CEP85L: variants seen among roughly 807,000 people sequenced by gnomAD.
CEP85L encodes centrosomal protein of 85 kDa-like.
A neutral mutation model predicts 100.3 loss-of-function variants in CEP85L; 60 were observed. The observed-to-expected ratio is 0.60, with a 90% CI of 0.49 to 0.74. The LOEUF (loss-of-function observed/expected upper bound fraction) is 0.74. Ranked by LOEUF, CEP85L falls within the 30% of genes least tolerant of loss-of-function variation. CEP85L has a pLI of 0.00. For missense variants in CEP85L, 973 were observed against 936.2 expected (o/e 1.04, Z -0.51); for synonymous variants, 319 against 322.7 (o/e 0.99, Z 0.12).
Position 118,463,627 on chromosome 6 carries a change from C to T in CEP85L, c.*1778G>A, listed in dbSNP as rs1772339367. On this transcript the variant is annotated 3_prime_UTR_variant, in exon 13 of 13. Coordinates refer to ENST00000368491, the MANE Select transcript of CEP85L (RefSeq NM_001042475.3). ...CCAAGTTCTTACCAGTGACTAAGAC[C>T]CTCCTTAGGTTAAGGACTCTGGGAT... 1.3e-5 allele frequency: 2 copies of T among 151,944 alleles called. No individual in the cohort carries two copies. The allele number at this position is 151,944 out of a possible 1,614,324, so 9.4% of individuals were successfully genotyped here. A position where few individuals can be genotyped will look rare whatever the true frequency, so the allele number is the denominator to read the frequency against.
chr6:118,692,754 A>T (rs1257846587), intron 1 of CEP85L, among the ~76,000 whole-genome samples: 8 of 152,186 alleles, frequency 5.3e-5, no homozygotes, highest in Non-Finnish European at 5.9e-5. Flanking sequence ...TAAGGGCAGA[A>T]GAAACAAGAC....
chr6:118,642,198 G>T (rs776260018), intron 1 of CEP85L, among the ~76,000 whole-genome samples: 2 of 152,122 alleles, frequency 1.3e-5, no homozygotes, highest in Non-Finnish European at 2.9e-5. Context: ...AATTTTTGCT[G>T]TTAGGCATGT....
At chr6:118,627,486 G>C (rs1010250927) in intron 2 of CEP85L, among the ~76,000 whole-genome samples, 1 of 152,338 alleles carries the variant, frequency 6.6e-6, no homozygotes, top group Admixed American at 6.5e-5. Context: ...AAACAGAAGA[G>C]AGCAACATGG....
Position 118,632,464 on chromosome 6 carries a change from T to C in CEP85L, c.221A>G (p.Asp74Gly). 1.3e-6 allele frequency: 2 copies of C among 1,599,510 alleles called. No homozygotes were observed. Among genetic ancestry groups the C allele is most frequent in the Non-Finnish European group, 8.5e-7 (1 of 1,174,636 alleles). The change falls in exon 2 of 13, where the codon GAT (aspartate) becomes GGT (glycine). Residue 74 changes from aspartate to glycine, a missense_variant. Asp to Gly is a moderately conservative substitution (Grantham distance 94). Transcript: ENST00000368491. ...GAATTTTAGCTCACCTTCCACGCTA[T>C]CAGAACAGGAAGTTCCAATGCCAGT... ...GDTGIGTSCS[D>G]SVEDHSTSSG... is the part of the protein sequence containing the mutation.
At chr6:118,615,450 C>A (rs1583171322) in intron 2 of CEP85L, among the ~76,000 whole-genome samples, 1 of 134,986 alleles carries the variant, frequency 7.4e-6, no homozygotes, top group African/African-American at 2.8e-5. Context: ...AAAAAAAAAA[C>A]CTCAGTCTAT....
At chr6:118,634,591 GTAGA>G (rs923126811) in intron 1 of CEP85L, among the ~76,000 whole-genome samples, 99 of 152,272 alleles carry the variant, frequency 6.5e-4, no homozygotes, top group Non-Finnish European at 1.3e-4. Flanking sequence ...TTAAAGCTTT[GTAGA>G]TTCTAGACTT....
Position 118,566,296 on chromosome 6 carries a change from T to A in CEP85L, c.253A>T (p.Thr85Ser), listed in dbSNP as rs749414138. Residue 85 changes from threonine to serine, a missense_variant, in exon 3 of 13, where the codon ACA becomes TCA. Transcript: ENST00000368491. ...SVEDHSTSSG[T>S]LSFKPSQSLI... ...GATTGACTAGGCTTAAAAGATAATG[T>A]GCCACTTGAAGTTGAATGATCTGGA... is the stretch of plus-strand genomic sequence containing the variant. 6.2e-7 allele frequency: 1 copy of A among 1,613,092 alleles called. No homozygotes were observed. The highest frequency in any genetic ancestry group is 8.5e-7 in the Non-Finnish European group (1 of 1,179,614).
Position 118,481,925 on chromosome 6 carries a change from A to G in CEP85L, c.1599T>C (p.Ile533=). The G allele has an allele frequency of 1.3e-6, 2 of 1,544,558 alleles. No homozygotes were observed. The highest frequency in any genetic ancestry group is 1.4e-5 in the African/African-American group (1 of 71,578). Residue 533 remains isoleucine, a synonymous_variant, in exon 8 of 13, where the codon ATT becomes ATC. Transcript: ENST00000368491. The part of the protein sequence containing the change: ...DVQSQSLQLQ[I]LEEKNKNLQE... ...GTAAATTCTTATTTTTTTCTTCCAG[A>G]ATCTGCAGCTAAGGAGAAATGTTTT...
chr6:118,510,404 T>A (rs1775900152), intron 5 of CEP85L, among the ~76,000 whole-genome samples: 1 of 151,958 alleles, frequency 6.6e-6, no homozygotes, highest in East Asian at 1.9e-4. Flanking sequence ...CAACCTAACA[T>A]AAAAAATGAT....
intron 3 of CEP85L, among the ~76,000 whole-genome samples, chr6:118,550,243 G>T (rs1278047818): frequency 6.6e-6 from 1 of 151,610 alleles, no homozygotes; most frequent in African/African-American, 2.4e-5. Flanking sequence ...GATCACATTT[G>T]GGTATATAAT....
At chr6:118,685,247 A>C (rs1776793831) in intron 1 of CEP85L, among the ~76,000 whole-genome samples, 1 of 152,240 alleles carries the variant, frequency 6.6e-6, no homozygotes, top group Non-Finnish European at 1.5e-5. Context: ...GAACAAGAAT[A>C]GTATAGCACT....
chr6:118,463,379 C>T lies in CEP85L; in HGVS notation c.*2026G>A, dbSNP rs936022653. Reference sequence around the variant, plus strand: ...CAATTTGTTCTATTATTTTAGGAAGCCTTTATTTCTAAAATCATGGGGGAG... The same window carrying T: ...CAATTTGTTCTATTATTTTAGGAAGTCTTTATTTCTAAAATCATGGGGGAG... On this transcript the variant is annotated 3_prime_UTR_variant, in exon 13 of 13. Transcript: ENST00000368491. The T allele has an allele frequency of 6.6e-6, 1 of 151,822 alleles. No homozygotes were observed. The highest frequency in any genetic ancestry group is 1.5e-5 in the Non-Finnish European group (1 of 67,878). 9.4% of individuals were successfully genotyped at this position (151,822 alleles called of 1,614,324 possible). A position where few individuals can be genotyped will look rare whatever the true frequency, so the allele number is the denominator to read the frequency against.
At chr6:118,502,636 G>A (rs1775380920) in intron 5 of CEP85L, 12 of 483,122 alleles carry the variant, frequency 2.5e-5, no homozygotes, top group Middle Eastern at 6.6e-4. Context: ...GAAACCTGAT[G>A]AGACCAACAA....
chr6:118,573,027 A>G (rs1279688939), intron 2 of CEP85L, among the ~76,000 whole-genome samples: 2 of 152,120 alleles, frequency 1.3e-5, no homozygotes, highest in Non-Finnish European at 2.9e-5. Flanking sequence ...GTGCCATTGC[A>G]CTCCAGCTTG....
chr6:118,537,501 A>T, intron 3 of CEP85L: 1 of 984,818 alleles, frequency 1.0e-6, no homozygotes, highest in Non-Finnish European at 1.2e-6. Flanking sequence ...AGATTTATAG[A>T]CCCAGAAAAT....
chr6:118,598,710 T>C (rs930942658), intron 2 of CEP85L, among the ~76,000 whole-genome samples: 14 of 152,354 alleles, frequency 9.2e-5, no homozygotes, highest in Non-Finnish European at 7.3e-5. Context: ...TTGAACCTTA[T>C]AGTCTCCAAA....
At chr6:118,624,723 G>A (rs748415452) in intron 2 of CEP85L, among the ~76,000 whole-genome samples, 22 of 152,178 alleles carry the variant, frequency 1.4e-4, no homozygotes, top group Non-Finnish European at 2.5e-4. Flanking sequence ...CAACTGTCCC[G>A]ATGCCCTAGG....
At chr6:118,581,889 C>G (rs78336830) in intron 2 of CEP85L, among the ~76,000 whole-genome samples, 1 of 152,070 alleles carries the variant, frequency 6.6e-6, no homozygotes, top group African/African-American at 2.4e-5. Context: ...TGGCCCGCTG[C>G]GGGGAGCCTT....
chr6:118,597,525 A>C (rs1781519184), intron 2 of CEP85L, among the ~76,000 whole-genome samples: 1 of 152,168 alleles, frequency 6.6e-6, no homozygotes, highest in East Asian at 1.9e-4. Context: ...TGAAAATCAT[A>C]CTCTCCCATC....
Sources: gnomAD v4.1 joint callset for allele counts (sites outside exome capture counted in the v4.1 genomes callset) on GRCh38, gnomAD v4.1.1 for gene constraint, MANE v1.5 for transcripts, NCBI Gene and HGNC (gene_info 2026-07-23, HGNC 2026-07-21) for gene names.